The following CREB5 variants were observed in gnomAD, a reference collection of about 807,000 sequenced individuals.
CREB5 encodes the protein cAMP responsive element binding protein 5.
In CREB5, 19 loss-of-function variants were observed where a neutral mutation model predicts 57.1. The observed-to-expected ratio is 0.33, with a 90% CI of 0.23 to 0.49. The LOEUF is 0.49. Among genes scored for constraint, CREB5 ranks in the 20% least tolerant of loss-of-function variants. The pLI is 0.99. For missense variants in CREB5, 579 were observed against 671.6 expected, an observed-to-expected ratio of 0.86 and a Z score of 1.52; for synonymous variants, 238 against 238.3, an observed-to-expected ratio of 1.00 and a Z score of 0.01.
At position 28,809,352 on chromosome 7, in the gene CREB5, G is replaced by A; in HGVS notation, c.1192G>A (p.Val398Ile). 4 of 1,614,170 alleles carry A rather than the reference G, an allele frequency of 2.5e-6. No individual in the cohort carries two copies. Among genetic ancestry groups the A allele is most frequent in the Non-Finnish European group, 3.4e-6 (4 of 1,180,036 alleles). ...AATRCRQKRK[V>I]WVMSLEKKAE... The stretch of plus-strand genomic sequence containing the variant: ...CACCCGCTGCAGACAGAAGAGGAAG[G>A]TCTGGGTGATGTCATTGGAAAAGAA... Residue 398 changes from valine to isoleucine, a missense_variant, in exon 9 of 11, where the codon GTC becomes ATC. By Grantham distance (29) the Val-to-Ile change is conservative. This residue lies in a region of CREB5 where 114 missense variants were observed against 130.8 expected (regional missense o/e 0.87). Coordinates refer to ENST00000357727, the MANE Select transcript of CREB5 (RefSeq NM_182898.4).
intron 5 of CREB5, among the ~76,000 whole-genome samples, chr7:28,607,864 G>A (rs970024050): frequency 6.6e-6 from 1 of 151,178 alleles, no homozygotes; most frequent in South Asian, 2.1e-4. Flanking sequence ...TTGCTTTTAA[G>A]GCTCACAGTA....
At chr7:28,719,167 T>C (rs1027747184) in intron 6 of CREB5, among the ~76,000 whole-genome samples, 4 of 152,212 alleles carry the variant, frequency 2.6e-5, no homozygotes, top group Admixed American at 1.3e-4. Flanking sequence ...TGGTGTTTCA[T>C]ATCTACTCCA....
At chr7:28,616,958 G>A (rs7801754) in intron 5 of CREB5, among the ~76,000 whole-genome samples, 2,827 of 152,272 alleles carry the variant, frequency 0.019, 96 homozygotes, top group African/African-American at 0.064. Flanking sequence ...AAGCTTAGGC[G>A]TAGACATTGT....
chr7:28,533,598 T>A (rs771788755), intron 4 of CREB5, among the ~76,000 whole-genome samples: 1 of 152,254 alleles, frequency 6.6e-6, no homozygotes, highest in Non-Finnish European at 1.5e-5. Context: ...TCCCCACTTA[T>A]AATTTCTAAA....
intron 4 of CREB5, among the ~76,000 whole-genome samples, chr7:28,516,321 A>G (rs1792952317): frequency 6.6e-6 from 1 of 152,140 alleles, no homozygotes; most frequent in Admixed American, 6.5e-5. Flanking sequence ...AATTAGAGAG[A>G]TCGGTGTGGG....
At chr7:28,739,415 A>C (rs1019201058) in intron 7 of CREB5, among the ~76,000 whole-genome samples, 6 of 152,198 alleles carry the variant, frequency 3.9e-5, no homozygotes, top group African/African-American at 1.4e-4. Flanking sequence ...GAGAATACAA[A>C]GAGTGAGCTG....
At chr7:28,579,531 G>A (rs1008894081) in intron 5 of CREB5, among the ~76,000 whole-genome samples, 2 of 152,188 alleles carry the variant, frequency 1.3e-5, no homozygotes, top group Non-Finnish European at 2.9e-5. Context: ...GTGAGCATTG[G>A]GTAGCGACAT....
chr7:28,350,544 T>G (rs1786167177), intron 1 of CREB5, among the ~76,000 whole-genome samples: 1 of 151,692 alleles, frequency 6.6e-6, no homozygotes, highest in African/African-American at 2.4e-5. Context: ...GCCCTTAATC[T>G]AGTAGCTGTT....
chr7:28,500,298 T>C (rs764270847), intron 3 of CREB5, among the ~76,000 whole-genome samples: 36 of 152,330 alleles, frequency 2.4e-4, no homozygotes, highest in Admixed American at 1.1e-3. Flanking sequence ...CTGGGTACTT[T>C]ATGCTCAGGT....
At chr7:28,662,035 C>T (rs1031158866) in intron 5 of CREB5, among the ~76,000 whole-genome samples, 3 of 152,156 alleles carry the variant, frequency 2.0e-5, no homozygotes, top group African/African-American at 7.2e-5. Context: ...TGCATGCCAA[C>T]CCCTGGGGAC....
intron 5 of CREB5, among the ~76,000 whole-genome samples, chr7:28,689,335 G>A (rs538916008): frequency 3.3e-5 from 5 of 152,204 alleles, no homozygotes; most frequent in Admixed American, 1.3e-4. Context: ...AGGAGTGATG[G>A]CGGACACCTG....
At chr7:28,400,818 C>A (rs1376037358) in intron 1 of CREB5, among the ~76,000 whole-genome samples, 2 of 152,188 alleles carry the variant, frequency 1.3e-5, no homozygotes. Flanking sequence ...ATCGGCAGTA[C>A]ATGAGTTAAA....
intron 5 of CREB5, among the ~76,000 whole-genome samples, 184 bp from the exon 6 acceptor site, chr7:28,718,569 C>G (rs920636451): frequency 6.6e-6 from 1 of 152,182 alleles, no homozygotes; most frequent in Non-Finnish European, 1.5e-5. Context: ...TAGGAAGCAG[C>G]AAAGGAAACC....
At chr7:28,704,335 T>G (rs1368729678) in intron 5 of CREB5, among the ~76,000 whole-genome samples, 1 of 152,208 alleles carries the variant, frequency 6.6e-6, no homozygotes, top group African/African-American at 2.4e-5. Context: ...CAGAGATCAT[T>G]TGAGCCTTTC....
chr7:28,796,539 A>G (rs1305339430), intron 7 of CREB5, among the ~76,000 whole-genome samples: 1 of 152,044 alleles, frequency 6.6e-6, no homozygotes, highest in East Asian at 1.9e-4. Context: ...CTCATTATGT[A>G]CCCCCATTTC....
At position 28,440,262 on chromosome 7, in the gene CREB5, C is replaced by A. The variant is rs536322943; in HGVS notation, c.3+27345C>A. ...AGGTTTGGTGCTCTGTGAGGACTCACCATCTGCTTAAGTTGTGTTTACTTT... is the reference window on the plus strand; with the variant it reads ...AGGTTTGGTGCTCTGTGAGGACTCAACATCTGCTTAAGTTGTGTTTACTTT... On this transcript the variant is annotated intron_variant, in intron 1 of 10. Coordinates refer to ENST00000357727, the MANE Select transcript of CREB5 (RefSeq NM_182898.4). Among the ~76,000 whole-genome samples the A allele has an allele frequency of 2.0e-5, 3 of 152,246 alleles. No homozygotes were observed. In the East Asian group the frequency reaches 5.8e-4, roughly 29 times the overall value.
At chr7:28,793,708 G>T (rs147737703) in intron 7 of CREB5, among the ~76,000 whole-genome samples, 1 of 152,194 alleles carries the variant, frequency 6.6e-6, no homozygotes, top group Non-Finnish European at 1.5e-5. Context: ...ATGTGGCAGC[G>T]ACTGGCTGTC....
chr7:28,696,828 A>G (rs1801596034), intron 5 of CREB5, among the ~76,000 whole-genome samples: 1 of 141,052 alleles, frequency 7.1e-6, no homozygotes, highest in Non-Finnish European at 1.6e-5. Context: ...ATACGTATAC[A>G]TACACATACG....
intron 7 of CREB5, among the ~76,000 whole-genome samples, chr7:28,753,141 A>G (rs936272033): frequency 6.6e-6 from 1 of 152,144 alleles, no homozygotes; most frequent in Non-Finnish European, 1.5e-5. Flanking sequence ...GCAGAGATTT[A>G]TGTTCAAAGA....
Sources: allele counts gnomAD v4.1 joint callset (sites outside exome capture counted in the v4.1 genomes callset), GRCh38; gene constraint gnomAD v4.1.1; regional missense constraint gnomAD v4.1.1; transcripts MANE v1.5; gene names NCBI Gene and HGNC (gene_info 2026-07-23, HGNC 2026-07-21).